Variants in C6 observed in about 807,000 individuals in gnomAD.
C6 encodes complement component C6.
C6 carries 101 observed loss-of-function variants against 112.9 expected under a neutral mutation model. The observed-to-expected ratio is 0.89, with a 90% confidence interval of 0.76 to 1.06. The LOEUF is 1.06. Ranked by LOEUF, C6 falls within the 50% of genes least tolerant of loss-of-function variation. C6 has a pLI of 0.00. For synonymous variants in C6, 431 were observed against 384.1 expected (o/e 1.12, Z -1.43); for missense variants, 1,202 against 1,104.6 (o/e 1.09, Z -1.25).
intron 7 of C6, among the ~76,000 whole-genome samples, chr5:41,179,656 TTA>T (rs1400979711): frequency 6.7e-6 from 1 of 148,356 alleles, no homozygotes. Flanking sequence ...CTAAACTAAG[TTA>T]TATATATATA....
intron 17 of C6, among the ~76,000 whole-genome samples, chr5:41,147,112 G>T (rs888636136): frequency 6.6e-6 from 1 of 152,028 alleles, no homozygotes; most frequent in Non-Finnish European, 1.5e-5. Flanking sequence ...TGACAATAAT[G>T]TTCTTATACT....
At chr5:41,242,630 C>A (rs963867927) in intron 1 of C6, among the ~76,000 whole-genome samples, 9 of 152,058 alleles carry the variant, frequency 5.9e-5, no homozygotes, top group Non-Finnish European at 1.3e-4. Flanking sequence ...TTTCAAACAT[C>A]TTTATATAAA....
intron 1 of C6, among the ~76,000 whole-genome samples, chr5:41,245,954 A>G (rs1249386042): frequency 6.6e-6 from 1 of 152,194 alleles, no homozygotes; most frequent in East Asian, 1.9e-4. Context: ...GGCCTCCTAA[A>G]ATGAATAGGA....
chr5:41,153,496 C>A (rs889912315), intron 15 of C6, among the ~76,000 whole-genome samples: 7 of 152,188 alleles, frequency 4.6e-5, no homozygotes, highest in African/African-American at 1.7e-4. Context: ...AGACACAATA[C>A]TTAAACCTGA....
chr5:41,184,770 G>C (rs1012272779), intron 6 of C6, among the ~76,000 whole-genome samples: 1 of 152,116 alleles, frequency 6.6e-6, no homozygotes, highest in East Asian at 1.9e-4. Flanking sequence ...CACCACACCC[G>C]GCTAAGCCTA....
intron 10 of C6, 147 bp downstream of exon 10, chr5:41,161,545 TA>T (rs1019674597): frequency 1.8e-5 from 13 of 711,490 alleles, no homozygotes; most frequent in Admixed American, 4.1e-5. Flanking sequence ...ATTTAACATT[TA>T]AAAAAAGGTA....
intron 1 of C6, among the ~76,000 whole-genome samples, chr5:41,220,338 A>G (rs1739088778): frequency 6.6e-6 from 1 of 152,170 alleles, no homozygotes; most frequent in Non-Finnish European, 1.5e-5. Context: ...GCAATTAGTC[A>G]AATTAATGCA....
intron 1 of C6, among the ~76,000 whole-genome samples, chr5:41,246,559 G>A (rs1279429674): frequency 2.6e-5 from 4 of 152,312 alleles, no homozygotes; most frequent in Middle Eastern, 3.4e-3. Context: ...CAGCGTGACA[G>A]CACAGTCATA....
At chr5:41,150,155 C>T (rs1746248381) in intron 15 of C6, 130 bp from the exon 16 acceptor site, 1 of 701,554 alleles carries the variant, frequency 1.4e-6, no homozygotes, top group Non-Finnish European at 2.6e-6. Flanking sequence ...TTCATTTTGG[C>T]TTCTCTAAAT....
At chr5:41,187,418 A>G (rs1192280727) in intron 5 of C6, among the ~76,000 whole-genome samples, 2 of 152,158 alleles carry the variant, frequency 1.3e-5, no homozygotes, top group African/African-American at 4.8e-5. Context: ...TCTGAAAAAA[A>G]GACAAATAGA....
At chr5:41,188,193 T>TAGC (rs1160114162) in intron 5 of C6, among the ~76,000 whole-genome samples, 1 of 152,150 alleles carries the variant, frequency 6.6e-6, no homozygotes, top group African/African-American at 2.4e-5. Flanking sequence ...GTTGTTGAGA[T>TAGC]AGCAGTACTT....
intron 1 of C6, among the ~76,000 whole-genome samples, chr5:41,249,471 C>T (rs2150436119): frequency 6.6e-6 from 1 of 152,228 alleles, no homozygotes; most frequent in South Asian, 2.1e-4. Context: ...CTCTACTTTA[C>T]TTTGATGTAG....
chr5:41,222,110 G>C (rs991907525), intron 1 of C6, among the ~76,000 whole-genome samples: 1 of 150,944 alleles, frequency 6.6e-6, no homozygotes, highest in Non-Finnish European at 1.5e-5. Context: ...AGGTCACAGT[G>C]AGCCGAGATC....
chr5:41,209,041 C>G (rs541166348), intron 1 of C6, among the ~76,000 whole-genome samples: 1 of 152,278 alleles, frequency 6.6e-6, no homozygotes, highest in East Asian at 1.9e-4. Flanking sequence ...GTTGGCTTCA[C>G]CCCTGGGATG....
chr5:41,197,598 C>T (rs1750707989), intron 4 of C6, among the ~76,000 whole-genome samples: 1 of 152,106 alleles, frequency 6.6e-6, no homozygotes, highest in Non-Finnish European at 1.5e-5. Flanking sequence ...GTATAGTTCT[C>T]ATTAGCTTAG....
At position 41,201,852 on chromosome 5, in the gene C6, CAT is replaced by C. The variant is rs1318444150; in HGVS notation, c.144-140_144-139del. 4 of 759,996 alleles carry C rather than the reference CAT, an allele frequency of 5.3e-6. No homozygotes were observed. In the African/African-American group the frequency reaches 6.9e-5, roughly 13 times the overall value. 47.1% of individuals were successfully genotyped at this position (759,996 alleles called of 1,614,324 possible). ...TTCATGGAAAAATTAGGCAGGTTGG[CAT>C]ATATGCAGTTCTCACCACTTAATAG... On this transcript the variant is annotated intron_variant, in intron 2 of 17. Transcript: ENST00000337836.
At chr5:41,244,852 T>C (rs1190239790) in intron 1 of C6, among the ~76,000 whole-genome samples, 2 of 152,200 alleles carry the variant, frequency 1.3e-5, no homozygotes, top group Non-Finnish European at 2.9e-5. Context: ...AAATCATGAA[T>C]GAGTTATGAA....
chr5:41,192,529 C>G (rs533393301), intron 5 of C6, among the ~76,000 whole-genome samples: 82 of 152,008 alleles, frequency 5.4e-4, no homozygotes, highest in African/African-American at 1.9e-3. Context: ...TTTTGGGAGA[C>G]TTTTTGTTAT....
chr5:41,243,174 C>T (rs547402610), intron 1 of C6, among the ~76,000 whole-genome samples: 1 of 152,250 alleles, frequency 6.6e-6, no homozygotes, highest in Admixed American at 6.5e-5. Context: ...AAAAAGTTAA[C>T]TATTTGAGAT....
Sources: gnomAD v4.1 joint callset for allele counts (sites outside exome capture counted in the v4.1 genomes callset) on GRCh38, gnomAD v4.1.1 for gene constraint, MANE v1.5 for transcripts, NCBI Gene and HGNC (gene_info 2026-07-23, HGNC 2026-07-21) for gene names.